Variants in RAB11FIP2 observed in about 807,000 individuals in gnomAD.
RAB11FIP2 encodes the protein rab11 family-interacting protein 2.
RAB11FIP2 carries 16 observed loss-of-function variants against 40.9 expected under a neutral mutation model. The observed-to-expected ratio is 0.39, with a 90% CI of 0.26 to 0.59. The LOEUF (loss-of-function observed/expected upper bound fraction) is 0.59, where lower values mean the gene tolerates loss of function less well. Among genes scored for constraint, RAB11FIP2 ranks in the 20% least tolerant of loss-of-function variants. RAB11FIP2 has a pLI of 0.53. For missense variants in RAB11FIP2, 532 were observed against 606.2 expected (o/e 0.88, Z 1.28); for synonymous variants, 228 against 213.7 (o/e 1.07, Z -0.58).
At chr10:118,018,088 G>A (rs890180620) in intron 3 of RAB11FIP2, 1 of 152,174 alleles carries the variant, frequency 6.6e-6, no homozygotes, top group African/African-American at 2.4e-5. Flanking sequence ...GTGCAGATCT[G>A]AGTGAGAGGC....
rs1846622582 is a variant in RAB11FIP2 at position 118,045,823 on chromosome 10, C to G, written c.341G>C (p.Arg114Thr). 2.5e-6 allele frequency: 4 copies of G among 1,602,522 alleles called. No homozygotes were observed. The highest frequency in any genetic ancestry group is 3.4e-6 in the Non-Finnish European group (4 of 1,174,344). Residue 114 changes from arginine to threonine, a missense_variant, in exon 1 of 5, where the codon AGA (arginine) becomes ACA (threonine). Coordinates refer to ENST00000355624, the MANE Select transcript of RAB11FIP2 (RefSeq NM_014904.3). ...TTACATAACTTACTCTGTTTTCCTT[C>G]TTTGTTTGTCCTCAAAGATGTCATT... ...NLNDIFEDKQ[R>T]RKTEWFRLES...
intron 3 of RAB11FIP2, among the ~76,000 whole-genome samples, chr10:118,025,585 A>G (rs1220246611): frequency 6.6e-6 from 1 of 152,206 alleles, no homozygotes; most frequent in Non-Finnish European, 1.5e-5. Context: ...CTAAAATAGT[A>G]TTTTCATCAC....
intron 3 of RAB11FIP2, among the ~76,000 whole-genome samples, chr10:118,026,201 A>T (rs982398771): frequency 6.6e-6 from 1 of 152,162 alleles, no homozygotes; most frequent in Non-Finnish European, 1.5e-5. Context: ...CCATTATAAG[A>T]TCTTATCCAT....
intron 3 of RAB11FIP2, among the ~76,000 whole-genome samples, chr10:118,032,314 C>A (rs1444951192): frequency 6.6e-6 from 1 of 152,066 alleles, no homozygotes; most frequent in African/African-American, 2.4e-5. Flanking sequence ...AGAAACAATT[C>A]ATTCATAGAT....
At chr10:118,011,026 C>A (rs535216297) in intron 4 of RAB11FIP2, among the ~76,000 whole-genome samples, 1 of 151,310 alleles carries the variant, frequency 6.6e-6, no homozygotes, top group South Asian at 2.1e-4. Context: ...GGTTTCTAAA[C>A]AGAGAAAGGA....
At chr10:118,027,185 A>G (rs1846353053) in intron 3 of RAB11FIP2, among the ~76,000 whole-genome samples, 1 of 152,172 alleles carries the variant, frequency 6.6e-6, no homozygotes, top group African/African-American at 2.4e-5. Flanking sequence ...GTCCTACACC[A>G]AGGTTATTAT....
chr10:118,017,302 A>G (rs1404024133), intron 3 of RAB11FIP2, among the ~76,000 whole-genome samples: 3 of 152,178 alleles, frequency 2.0e-5, no homozygotes, highest in Non-Finnish European at 4.4e-5. Context: ...AGAGAATAAC[A>G]ATGTTGCATT....
chr10:118,039,377 T>A lies in RAB11FIP2; in HGVS notation c.860A>T (p.Asp287Val), dbSNP rs1846524552. 1 of 1,613,526 alleles carries A rather than the reference T, an allele frequency of 6.2e-7. No homozygotes were observed. The change falls in exon 3 of 5, where the codon GAC becomes GTC. Residue 287 changes from aspartate (D) to valine (V), a missense_variant. Asp to Val is a radical substitution (Grantham distance 152). Coordinates refer to ENST00000355624, the MANE Select transcript of RAB11FIP2 (RefSeq NM_014904.3). The stretch of plus-strand genomic sequence containing the variant: ...CAATTCACCTTCATCCACAATGCTG[T>A]CAGGTTGGTTCATTTTAGAAGTATC... ...SFDTSKMNQPDSIVDEGELCF... is the reference protein window; with the variant it reads ...SFDTSKMNQPVSIVDEGELCF...
At chr10:118,037,101 A>G (rs531856559) in intron 3 of RAB11FIP2, among the ~76,000 whole-genome samples, 1 of 152,098 alleles carries the variant, frequency 6.6e-6, no homozygotes, top group African/African-American at 2.4e-5. Flanking sequence ...AACCTTCTGT[A>G]AAAAAAAGTT....
intron 4 of RAB11FIP2, among the ~76,000 whole-genome samples, chr10:118,010,607 A>G (rs1050062204): frequency 2.0e-5 from 3 of 152,126 alleles, no homozygotes; most frequent in Non-Finnish European, 4.4e-5. Context: ...AAGAGAAGCT[A>G]GAGTACAGAT....
intron 4 of RAB11FIP2, 32 bp from the exon 5 acceptor site, chr10:118,009,257 G>A (rs773589855): frequency 6.5e-7 from 1 of 1,538,870 alleles, no homozygotes; most frequent in South Asian, 1.2e-5. Flanking sequence ...CACTTTCATA[G>A]ATATAACATC....
At chr10:118,033,928 C>T in intron 3 of RAB11FIP2, 1 of 700,866 alleles carries the variant, frequency 1.4e-6, no homozygotes, top group South Asian at 1.5e-5. Context: ...TTGGCTATTC[C>T]TCGTCAGGTG....
chr10:118,040,606 G>C, intron 1 of RAB11FIP2, 41 bp from the exon 2 acceptor site: 1 of 1,392,260 alleles, frequency 7.2e-7, no homozygotes, highest in Non-Finnish European at 9.7e-7. Flanking sequence ...ACACATAATA[G>C]AGAGAGGATA....
At position 118,046,374 on chromosome 10, in the gene RAB11FIP2, AAC is replaced by A. The variant is rs1489143079; in HGVS notation, c.-213_-212del. The A allele has an allele frequency of 5.2e-6, 3 of 572,396 alleles. No individual in the cohort carries two copies. Among genetic ancestry groups the A allele is most frequent in the Admixed American group, 3.2e-5 (1 of 31,656 alleles). 35.5% of individuals were successfully genotyped at this position (572,396 alleles called of 1,614,324 possible). ...CCGGGGGTCCCCTTTCGTCTGGAGA[AAC>A]ACAGAGGCCCACCATCACCTGGCCG... On this transcript the variant is annotated 5_prime_UTR_variant, in exon 1 of 5. The change creates a premature stop within an existing upstream ORF in the 5' untranslated region. Coordinates refer to ENST00000355624, the MANE Select transcript of RAB11FIP2 (RefSeq NM_014904.3).
In RAB11FIP2 at chr10:118,008,165, A is replaced by G. The variant is rs182588892; in HGVS notation, c.*833T>C. 404 of 152,364 alleles carry G rather than the reference A, an allele frequency of 2.7e-3. 1 individual carries two copies. The highest frequency in any genetic ancestry group is 9.0e-3 in the African/African-American group (374 of 41,560). 9.4% of individuals were successfully genotyped at this position (152,364 alleles called of 1,614,324 possible). A position where few individuals can be genotyped will look rare whatever the true frequency, so the allele number is the denominator to read the frequency against. On this transcript the variant is annotated 3_prime_UTR_variant, in exon 5 of 5. Coordinates refer to ENST00000355624, the MANE Select transcript of RAB11FIP2 (RefSeq NM_014904.3). ...AACTCAAATGTTAATTAATTCAAAT[A>G]AATTCATGCTGTTATGAAGTTAATG...
At chr10:118,010,247 T>A (rs908975092) in intron 4 of RAB11FIP2, among the ~76,000 whole-genome samples, 2 of 152,280 alleles carry the variant, frequency 1.3e-5, no homozygotes, top group East Asian at 1.9e-4. Context: ...TAAATCATAG[T>A]TCTCTCATTA....
At chr10:118,034,367 A>AG (rs954863565) in intron 3 of RAB11FIP2, among the ~76,000 whole-genome samples, 18 of 151,982 alleles carry the variant, frequency 1.2e-4, no homozygotes, top group Middle Eastern at 3.4e-3. Flanking sequence ...AAAAAAAAAA[A>AG]AGAAATGAAA....
Position 118,045,812 on chromosome 10 carries a change from C to T in RAB11FIP2, c.352G>A (p.Glu118Lys), listed in dbSNP as rs754876775. The part of the protein sequence containing the change: ...IFEDKQRRKT[E>K]WFRLESKQGK... ...TTCAAAATAAATTACATAACTTACT[C>T]TGTTTTCCTTCTTTGTTTGTCCTCA... The change falls in exon 1 of 5, where the codon GAG (glutamate) becomes AAG (lysine). Residue 118 changes from glutamate (E) to lysine (K), a missense_variant and splice_region_variant. Transcript: ENST00000355624. 1.8e-5 allele frequency: 28 copies of T among 1,589,500 alleles called. No individual in the cohort carries two copies. The East Asian group carries it at 6.3e-4, about 36-fold the overall frequency.
intron 4 of RAB11FIP2, among the ~76,000 whole-genome samples, chr10:118,011,447 T>C (rs912875638): frequency 1.3e-5 from 2 of 151,960 alleles, no homozygotes; most frequent in Non-Finnish European, 2.9e-5. Flanking sequence ...GGTCATAATA[T>C]ATAGTTTGGA....
Sources: allele counts gnomAD v4.1 joint callset (sites outside exome capture counted in the v4.1 genomes callset), GRCh38; gene constraint gnomAD v4.1.1; transcripts MANE v1.5; gene names NCBI Gene and HGNC (gene_info 2026-07-23, HGNC 2026-07-21).